ITGB7: variants seen among roughly 807,000 people sequenced by gnomAD.
ITGB7 encodes the protein integrin subunit beta 7.
ITGB7 carries 55 observed loss-of-function variants against 83.4 expected under a neutral mutation model. The ratio of observed to expected loss-of-function variants is 0.66; its 90% CI spans 0.53 to 0.83. The LOEUF is 0.83. ITGB7 is among the 40% of genes least tolerant of loss of function. The pLI, the probability that ITGB7 is intolerant of heterozygous loss-of-function variation, is 0.00. For missense variants in ITGB7, 921 were observed against 1,046.7 expected, an observed-to-expected ratio of 0.88 and a Z score of 1.66; for synonymous variants, 454 against 423.6, an observed-to-expected ratio of 1.07 and a Z score of -0.88.
chr12:53,198,422 T>C (rs1419332486), intron 3 of ITGB7, among the ~76,000 whole-genome samples: 5 of 151,858 alleles, frequency 3.3e-5, no homozygotes, highest in Non-Finnish European at 7.4e-5. Context: ...CCACGCCTTT[T>C]TTTTTTTTCC....
At chr12:53,204,465 T>C (rs1247951041) in intron 1 of ITGB7, among the ~76,000 whole-genome samples, 2 of 151,906 alleles carry the variant, frequency 1.3e-5, no homozygotes, top group African/African-American at 4.8e-5. Context: ...ACAAAACCAT[T>C]CATGAAAGGT....
rs991391388 is a variant in ITGB7, at chr12:53,197,805, G to T, written c.348C>A (p.Arg116=). 1 of 1,543,268 alleles carries T rather than the reference G, an allele frequency of 6.5e-7. No individual in the cohort carries two copies. Among genetic ancestry groups the T allele is most frequent in the Admixed American group, 1.9e-5 (1 of 51,286 alleles). The change falls in exon 4 of 16, where the codon CGC becomes CGA. Residue 116 remains arginine, a synonymous_variant. Transcript: ENST00000267082. ...GCGCCAGCTGGGTGGCACCCTCTCC[G>T]CGGGCGCCCTGGCTGAGCGGCTGGT... ...LQDQPLSQGA[R]GEGATQLAPQ...
intron 5 of ITGB7, 129 bp downstream of exon 5, chr12:53,197,364 G>C (rs1406624656): frequency 2.0e-6 from 2 of 1,005,936 alleles, no homozygotes; most frequent in Non-Finnish European, 3.2e-6. Flanking sequence ...ACGAACCTGT[G>C]GCCTGGCTAG....
chr12:53,197,871 C>T lies in ITGB7; in HGVS notation c.282G>A (p.Glu94=), dbSNP rs1463627384. ...GCTGGCCGCGGGGCTCCTCCAGCTC[C>T]TCCAGCGGGCAGCCTCGAGCCAGCA... is the stretch of plus-strand genomic sequence containing the variant. ...EELLARGCPL[E]ELEEPRGQQE... The change falls in exon 4 of 16, where the codon GAG becomes GAA. Residue 94 remains glutamate, a synonymous_variant. Coordinates refer to ENST00000267082, the MANE Select transcript of ITGB7 (RefSeq NM_000889.3). The T allele has an allele frequency of 7.2e-6, 11 of 1,534,658 alleles. No homozygotes were observed. The highest frequency in any genetic ancestry group is 4.1e-4 in the Middle Eastern group (2 of 4,860).
intron 9 of ITGB7, 51 bp from the exon 10 acceptor site, chr12:53,194,395 A>G: frequency 6.3e-7 from 1 of 1,586,682 alleles, no homozygotes; most frequent in Non-Finnish European, 8.6e-7. Context: ...AAAGGACTCC[A>G]ACCCCACCTT....
At position 53,195,846 on chromosome 12, in the gene ITGB7, TG is replaced by T. The variant is rs1942144274; in HGVS notation, c.976-126del. The T allele has an allele frequency of 8.0e-6, 8 of 1,000,236 alleles. No individual in the cohort carries two copies. In the East Asian group the frequency reaches 1.8e-4, roughly 22 times the overall value. 62.0% of individuals were successfully genotyped at this position (1,000,236 alleles called of 1,614,324 possible). ...CTGGAGGAGCCCTGGAGGCTTGCTA[TG>T]GAATAGGAAGGAGGTAGGGAATGGG... On this transcript the variant is annotated intron_variant, in intron 7 of 15. Coordinates refer to ENST00000267082, the MANE Select transcript of ITGB7 (RefSeq NM_000889.3).
intron 10 of ITGB7, 93 bp from the exon 11 acceptor site, chr12:53,193,994 A>G: frequency 1.5e-6 from 2 of 1,356,996 alleles, no homozygotes; most frequent in Non-Finnish European, 1.0e-6. Context: ...CCCTTAGTAA[A>G]TGAAGGGATG....
rs910477806 is a variant in ITGB7, at chr12:53,192,349, G to A, written c.2136C>T (p.Leu712=). Residue 712 remains leucine (L), a synonymous_variant, in exon 14 of 16, where the codon CTC becomes CTT. Transcript: ENST00000267082. Reference sequence around the variant, plus strand: ...ACTTACTTTCTTGGGGTCTCACTCTGAGCACGACCGTGCCTCTGGCGTCAT... The same window carrying A: ...ACTTACTTTCTTGGGGTCTCACTCTAAGCACGACCGTGCCTCTGGCGTCAT... ...VEDDARGTVV[L]RVRPQEKGAD... is the part of the protein sequence containing the mutation. The A allele has an allele frequency of 5.6e-6, 9 of 1,613,956 alleles. No homozygotes were observed. The highest frequency in any genetic ancestry group is 7.6e-6 in the Non-Finnish European group (9 of 1,180,000).
intron 1 of ITGB7, among the ~76,000 whole-genome samples, chr12:53,202,352 C>CT (rs1352746837): frequency 1.3e-5 from 2 of 152,006 alleles, no homozygotes; most frequent in African/African-American, 2.4e-5. Context: ...GAGTGAAACT[C>CT]TGTCTTTTTT....
intron 2 of ITGB7, 25 bp downstream of exon 2, chr12:53,201,047 A>G (rs1472194694): frequency 6.6e-6 from 1 of 152,428 alleles, no homozygotes; most frequent in African/African-American, 2.4e-5. Flanking sequence ...TGAAAGCACT[A>G]AAGTCTGCAC....
chr12:53,195,138 C>T, intron 9 of ITGB7: 1 of 545,228 alleles, frequency 1.8e-6, no homozygotes, highest in South Asian at 2.4e-5. Context: ...GTGATTGAAA[C>T]TTTCCTTTCT....
intron 9 of ITGB7, chr12:53,194,574 G>T: frequency 2.1e-6 from 1 of 470,268 alleles, no homozygotes; most frequent in Non-Finnish European, 3.9e-6. Flanking sequence ...GCAGCTGCCA[G>T]CAAGGGCCAC....
intron 11 of ITGB7, 33 bp from the exon 12 acceptor site, chr12:53,193,396 C>T (rs1942038611): frequency 6.8e-7 from 1 of 1,477,054 alleles, no homozygotes; most frequent in East Asian, 2.4e-5. Flanking sequence ...AGAAGTAGGT[C>T]AGAGGGTTTG....
At chr12:53,193,038 G>A (rs2272299) in intron 12 of ITGB7, 102 bp downstream of exon 12, 85,429 of 1,370,930 alleles carry the variant, frequency 0.062, 3,456 homozygotes, top group East Asian at 0.17. Context: ...CCCATACACC[G>A]GAATCTTTTG....
At chr12:53,196,846 G>A (rs538164105) in intron 5 of ITGB7, 26 bp from the exon 6 acceptor site, 1 of 1,576,422 alleles carries the variant, frequency 6.3e-7, no homozygotes, top group Admixed American at 1.7e-5. Context: ...AATGAAGGTT[G>A]TGCCAGAAGT....
rs201131467 is a variant in ITGB7 at position 53,192,033 on chromosome 12, A to T, written c.2156-14T>A. 1.9e-6 allele frequency: 3 copies of T among 1,608,576 alleles called. No homozygotes were observed. In the East Asian group the frequency reaches 6.7e-5, roughly 36 times the overall value. On this transcript the variant is annotated splice_polypyrimidine_tract_variant and intron_variant, in intron 14 of 15. Coordinates refer to ENST00000267082, the MANE Select transcript of ITGB7 (RefSeq NM_000889.3). Reference sequence around the variant, plus strand: ...GGTCTGCTCCCTCTGTGAACAAGAAACCAGACACACTTGTGGGAGCTGGAG... The same window carrying T: ...GGTCTGCTCCCTCTGTGAACAAGAATCCAGACACACTTGTGGGAGCTGGAG...
intron 11 of ITGB7, 76 bp downstream of exon 11, chr12:53,193,632 A>T (rs1942050605): frequency 7.8e-7 from 1 of 1,290,110 alleles, no homozygotes; most frequent in Non-Finnish European, 1.1e-6. Flanking sequence ...GGGGGATGGA[A>T]AGCAGCGGAG....
chr12:53,196,091 C>T lies in ITGB7; in HGVS notation c.925G>A (p.Gly309Arg), dbSNP rs1942151762. ...KLGGIFMPSD[G>R]HCHLDSNGLY... ...CCATTGCTGTCCAAGTGGCAGTGCC[C>T]ATCACTGGGCATGAAAATGCCGCCC... The change falls in exon 7 of 16, where the codon GGG (glycine) becomes AGG (arginine). Residue 309 changes from glycine to arginine, a missense_variant. Physicochemically the swap from Gly to Arg is moderately radical, Grantham distance 125 (BLOSUM62 -2). Coordinates refer to ENST00000267082, the MANE Select transcript of ITGB7 (RefSeq NM_000889.3). 1.2e-6 allele frequency: 2 copies of T among 1,614,054 alleles called. No individual in the cohort carries two copies. The highest frequency in any genetic ancestry group is 1.7e-5 in the Admixed American group (1 of 59,998).
At chr12:53,202,095 A>C (rs1159774689) in intron 1 of ITGB7, among the ~76,000 whole-genome samples, 2 of 152,234 alleles carry the variant, frequency 1.3e-5, no homozygotes, top group African/African-American at 4.8e-5. Context: ...ACAGTGGCTC[A>C]TGCCTGTAAT....
Sources: allele counts gnomAD v4.1 joint callset (sites outside exome capture counted in the v4.1 genomes callset), GRCh38; gene constraint gnomAD v4.1.1; transcripts MANE v1.5; gene names NCBI Gene and HGNC (gene_info 2026-07-23, HGNC 2026-07-21).